The following ITIH5 variants were observed in gnomAD, a reference collection of about 807,000 sequenced individuals.
The protein encoded by ITIH5 is inter-alpha-trypsin inhibitor heavy chain H5.
In ITIH5, 65 loss-of-function variants were observed where a neutral mutation model predicts 77.5. The ratio of observed to expected loss-of-function variants is 0.84; its 90% CI spans 0.69 to 1.03. ITIH5 has a LOEUF of 1.03. ITIH5 is among the 50% of genes least tolerant of loss of function. The pLI, the probability that ITIH5 is intolerant of heterozygous loss-of-function variation, is 0.00. For synonymous variants in ITIH5, 525 were observed against 494.3 expected (o/e 1.06, Z -0.82); for missense variants, 1,208 against 1,213.1 (o/e 1.00, Z 0.06).
chr10:7,604,745 A>G (rs1032167460), intron 7 of ITIH5, among the ~76,000 whole-genome samples: 2 of 152,170 alleles, frequency 1.3e-5, no homozygotes, highest in South Asian at 4.1e-4. Context: ...CTCCATCATT[A>G]ATCTTTCCCT....
intron 12 of ITIH5, 41 bp downstream of exon 12, chr10:7,569,627 C>T: frequency 2.2e-6 from 3 of 1,345,578 alleles, no homozygotes; most frequent in Non-Finnish European, 3.1e-6. Flanking sequence ...CAGTACCTAC[C>T]TGGTCCTTGC....
At chr10:7,586,146 C>A in intron 7 of ITIH5, 77 bp from the exon 8 acceptor site, 1 of 775,912 alleles carries the variant, frequency 1.3e-6, no homozygotes, top group East Asian at 6.9e-5. Context: ...AAACCGCCCC[C>A]GCCCCCCAGG....
chr10:7,644,733 C>A (rs544676247), intron 2 of ITIH5, among the ~76,000 whole-genome samples: 13 of 103,212 alleles, frequency 1.3e-4, no homozygotes, highest in African/African-American at 5.1e-4. Flanking sequence ...TATCACATAT[C>A]TATATCACAT....
chr10:7,586,859 C>CT (rs1447816459), intron 7 of ITIH5, among the ~76,000 whole-genome samples: 1 of 151,266 alleles, frequency 6.6e-6, no homozygotes, highest in East Asian at 1.9e-4. Context: ...CATACAAACT[C>CT]TCGCTCTGTC....
Position 7,617,291 on chromosome 10 carries a change from A to T in ITIH5, c.653-9T>A. 6.7e-7 allele frequency: 1 copy of T among 1,502,714 alleles called. No individual in the cohort carries two copies. Among genetic ancestry groups the T allele is most frequent in the Non-Finnish European group, 8.9e-7 (1 of 1,124,268 alleles). The allele number at this position is 1,502,714 out of a possible 1,614,324, so 93.1% of individuals were successfully genotyped here. A position where few individuals can be genotyped will look rare whatever the true frequency, so the allele number is the denominator to read the frequency against. ...GGGAGGCCCAGAATCATCTGCAAAC[A>T]AGATAGAAACATAATTAATAACTTA... On this transcript the variant is annotated splice_polypyrimidine_tract_variant and intron_variant, in intron 5 of 13. Transcript: ENST00000397146.
intron 10 of ITIH5, 116 bp downstream of exon 10, chr10:7,576,337 A>C (rs1832413159): frequency 1.1e-6 from 1 of 941,676 alleles, no homozygotes. Context: ...GTTATTGTTT[A>C]TAAGTATTAT....
chr10:7,564,085 G>C (rs746950712), intron 13 of ITIH5, among the ~76,000 whole-genome samples: 23 of 152,246 alleles, frequency 1.5e-4, no homozygotes, highest in Admixed American at 1.5e-3. Context: ...GTGCCCCCCC[G>C]GTGGGGGTGT....
intron 2 of ITIH5, among the ~76,000 whole-genome samples, chr10:7,644,379 A>ATATATAT (rs2131086221): frequency 1.9e-5 from 2 of 102,816 alleles, no homozygotes; most frequent in South Asian, 3.6e-4. Context: ...CATATATATC[A>ATATATAT]CATATATCAC....
At position 7,626,246 on chromosome 10, in the gene ITIH5, AGAG is replaced by A. The variant is rs1199147507; in HGVS notation, c.653-8967_653-8965del. ...GAAAAAGAGTGAAGCCTCACAGTAA[AGAG>A]GAGGTGTCTCACCGGTATTGGGCTA... On this transcript the variant is annotated intron_variant, in intron 5 of 13. Transcript: ENST00000397146. 2.0e-5 allele frequency among the ~76,000 whole-genome samples: 3 copies of A among 152,324 alleles called. No homozygotes were observed. In the East Asian group the frequency reaches 5.8e-4, roughly 29 times the overall value.
At chr10:7,566,917 G>GAAGAA (rs138363539) in intron 12 of ITIH5, among the ~76,000 whole-genome samples, 1 of 105,606 alleles carries the variant, frequency 9.5e-6, no homozygotes, top group African/African-American at 3.9e-5. Flanking sequence ...AGAAGAAGAA[G>GAAGAA]AAGAAAAGAA....
intron 4 of ITIH5, 107 bp downstream of exon 4, chr10:7,640,647 A>T: frequency 1.5e-6 from 1 of 686,404 alleles, no homozygotes; most frequent in East Asian, 2.6e-5. Flanking sequence ...AAAGAAAGAG[A>T]AAAGTATTTG....
Position 7,576,962 on chromosome 10 carries a change from T to A in ITIH5, c.1469A>T (p.Tyr490Phe), listed in dbSNP as rs1185919225. ...GGCCTGCACCACTGAGCTGGGGGGA[T>A]AATCGATGCGGATGTCAGAGAGGAG... ...TPLLSDIRIDYPPSSVVQATK... is the reference protein window; with the variant it reads ...TPLLSDIRIDFPPSSVVQATK... Residue 490 changes from tyrosine (Y) to phenylalanine (F), a missense_variant, in exon 10 of 14, where the codon TAT becomes TTT. Tyr to Phe is a conservative substitution (Grantham distance 22). Transcript: ENST00000397146. 6 of 1,613,894 alleles carry A rather than the reference T, an allele frequency of 3.7e-6. No individual in the cohort carries two copies. The highest frequency in any genetic ancestry group is 1.6e-4 in the Middle Eastern group (1 of 6,074).
intron 8 of ITIH5, among the ~76,000 whole-genome samples, chr10:7,582,001 G>A (rs1252419482): frequency 1.3e-5 from 2 of 149,448 alleles, no homozygotes; most frequent in African/African-American, 2.5e-5. Flanking sequence ...TCAGCCTCCC[G>A]AGTAGCTGGG....
At chr10:7,565,955 T>C (rs1185231145) in intron 13 of ITIH5, 75 bp downstream of exon 13, 7 of 1,535,120 alleles carry the variant, frequency 4.6e-6, no homozygotes, top group African/African-American at 2.7e-5. Context: ...ACGAAAGGTG[T>C]TGGCAATATC....
intron 7 of ITIH5, among the ~76,000 whole-genome samples, chr10:7,595,703 A>G (rs1264825771): frequency 6.6e-6 from 1 of 152,216 alleles, no homozygotes; most frequent in Non-Finnish European, 1.5e-5. Flanking sequence ...GGCACAAGGC[A>G]GGACATAAAT....
chr10:7,661,166 C>T (rs373253489), intron 1 of ITIH5, among the ~76,000 whole-genome samples: 15 of 152,302 alleles, frequency 9.8e-5, no homozygotes, highest in Admixed American at 5.2e-4. Flanking sequence ...AAAACCATCC[C>T]TCCCACCCCC....
chr10:7,590,544 C>T (rs1264480476), intron 7 of ITIH5, among the ~76,000 whole-genome samples: 1 of 152,210 alleles, frequency 6.6e-6, no homozygotes, highest in Non-Finnish European at 1.5e-5. Flanking sequence ...ATACATACAT[C>T]GTGCTGTAAA....
chr10:7,609,487 C>G (rs1241309863), intron 7 of ITIH5: 1 of 456,556 alleles, frequency 2.2e-6, no homozygotes, highest in African/African-American at 2.0e-5. Context: ...GAGGGAGAAA[C>G]CAATGTCCTA....
chr10:7,640,828 G>A lies in ITIH5; in HGVS notation c.327C>T (p.Gly109=), dbSNP rs534499974. The A allele has an allele frequency of 3.5e-5, 56 of 1,611,488 alleles. No homozygotes were observed. The East Asian group carries it at 5.1e-4, about 15-fold the overall frequency. ...TCTTCTTTTCTCTCTCTGTAATTTC[G>A]CCCTGATACACCTTGTCTCCAATAA... ...TMLIGDKVYQ[G]EITEREKKSG... is the part of the protein sequence containing the mutation. The change falls in exon 4 of 14, where the codon GGC becomes GGT. Residue 109 remains glycine (G), a synonymous_variant. Transcript: ENST00000397146.
Sources: gnomAD v4.1 joint callset for allele counts (sites outside exome capture counted in the v4.1 genomes callset) on GRCh38, gnomAD v4.1.1 for gene constraint, MANE v1.5 for transcripts, NCBI Gene and HGNC (gene_info 2026-07-23, HGNC 2026-07-21) for gene names.